Variants in GCC2 observed in about 807,000 individuals in gnomAD.
The protein encoded by GCC2 is GRIP and coiled-coil domain containing 2.
Under a neutral mutation model 210.6 loss-of-function variants are expected in GCC2, and 120 were observed. The observed-to-expected ratio is 0.57, with a 90% CI of 0.49 to 0.66. GCC2 has a LOEUF of 0.66. Among genes scored for constraint, GCC2 ranks in the 30% least tolerant of loss-of-function variants. GCC2 has a pLI of 0.00. For missense variants in GCC2, 1,868 were observed against 1,871.9 expected, an observed-to-expected ratio of 1.00 and a Z score of 0.04; for synonymous variants, 703 against 652.7, an observed-to-expected ratio of 1.08 and a Z score of -1.17.
chr2:108,462,843 ATGAGCCACCG>A (rs1680679440), intron 4 of GCC2, among the ~76,000 whole-genome samples: 1 of 151,552 alleles, frequency 6.6e-6, no homozygotes, highest in African/African-American at 2.4e-5. Context: ...GATTACAGGC[ATGAGCCACCG>A]CATCTGGCCG....
chr2:108,508,884 G>C lies in GCC2; in HGVS notation c.*1254G>C, dbSNP rs1361747406. The C allele has an allele frequency of 6.6e-6, 1 of 152,618 alleles. No individual in the cohort carries two copies. Among genetic ancestry groups the C allele is most frequent in the East Asian group, 1.9e-4 (1 of 5,200 alleles). 9.5% of individuals were successfully genotyped at this position (152,618 alleles called of 1,614,324 possible). On this transcript the variant is annotated 3_prime_UTR_variant, in exon 23 of 23. Coordinates refer to ENST00000309863, the MANE Select transcript of GCC2 (RefSeq NM_181453.4). ...TCTCTGAAGTTCTCTTAAGCCTTCAGTTTATACTCTTAATTTAATTTTCTT... is the reference window on the plus strand; with the variant it reads ...TCTCTGAAGTTCTCTTAAGCCTTCACTTTATACTCTTAATTTAATTTTCTT...
At chr2:108,483,292 C>T (rs1417143075) in intron 12 of GCC2, 126 bp downstream of exon 12, 7 of 566,828 alleles carry the variant, frequency 1.2e-5, no homozygotes, top group South Asian at 2.1e-5. Context: ...GGCATGATCT[C>T]GGCTCACTGC....
At chr2:108,465,433 C>G (rs1388156862) in intron 4 of GCC2, among the ~76,000 whole-genome samples, 1 of 152,094 alleles carries the variant, frequency 6.6e-6, no homozygotes, top group Non-Finnish European at 1.5e-5. Context: ...AAGTCTGAGA[C>G]TTTAGTGCAC....
At chr2:108,469,560 T>G in intron 5 of GCC2, 91 bp from the exon 6 acceptor site, 2 of 820,594 alleles carry the variant, frequency 2.4e-6, no homozygotes, top group Non-Finnish European at 3.9e-6. Context: ...TACTTTTCTC[T>G]CTACTTAGCT....
intron 4 of GCC2, among the ~76,000 whole-genome samples, chr2:108,457,636 C>T (rs556678951): frequency 6.6e-6 from 1 of 152,232 alleles, no homozygotes; most frequent in South Asian, 2.1e-4. Flanking sequence ...TATTTGTGTT[C>T]TCTTCAGTTT....
chr2:108,465,305 C>A (rs531771118), intron 4 of GCC2, among the ~76,000 whole-genome samples: 1 of 152,304 alleles, frequency 6.6e-6, no homozygotes, highest in Admixed American at 6.5e-5. Context: ...AATCAGCCAC[C>A]TTTTGAAGCC....
At chr2:108,493,073 C>T (rs1222489399) in intron 19 of GCC2, among the ~76,000 whole-genome samples, 1 of 152,158 alleles carries the variant, frequency 6.6e-6, no homozygotes, top group Non-Finnish European at 1.5e-5. Context: ...CTGACTTAAA[C>T]ATCCTCTGTC....
At chr2:108,495,707 C>T (rs1304907659) in intron 20 of GCC2, 5 of 304,100 alleles carry the variant, frequency 1.6e-5, no homozygotes, top group Non-Finnish European at 3.1e-5. Flanking sequence ...TATTACCTTA[C>T]ACGATCACTA....
rs1682329071 is a variant in GCC2, at chr2:108,489,929, T to C, written c.4144T>C (p.Leu1382=). The part of the protein sequence containing the change: ...LQINVSELQT[L]QSEHDTLLER... Reference sequence around the variant, plus strand: ...GATTAATGTATCTGAACTTCAAACATTGCAGTCTGAACATGATACACTGCT... The same window carrying C: ...GATTAATGTATCTGAACTTCAAACACTGCAGTCTGAACATGATACACTGCT... Residue 1382 remains leucine, a synonymous_variant, in exon 18 of 23, where the codon TTG becomes CTG. Coordinates refer to ENST00000309863, the MANE Select transcript of GCC2 (RefSeq NM_181453.4). 1.2e-5 allele frequency: 20 copies of C among 1,610,000 alleles called. No individual in the cohort carries two copies. The highest frequency in any genetic ancestry group is 6.6e-5 in the South Asian group (6 of 90,806).
At chr2:108,500,476 C>T (rs1202115678) in intron 22 of GCC2, among the ~76,000 whole-genome samples, 1 of 152,186 alleles carries the variant, frequency 6.6e-6, no homozygotes, top group African/African-American at 2.4e-5. Context: ...CGCCACTGTA[C>T]TCCAGCCTGA....
In GCC2 at chr2:108,480,015, A is replaced by G. The variant is rs543309380; in HGVS notation, c.3061-1682A>G. Among the ~76,000 whole-genome samples the G allele has an allele frequency of 7.0e-4, 105 of 149,248 alleles. 1 individual carries two copies. Among genetic ancestry groups the G allele is most frequent in the African/African-American group, 2.4e-3 (99 of 40,824 alleles). On this transcript the variant is annotated intron_variant, in intron 9 of 22. Coordinates refer to ENST00000309863, the MANE Select transcript of GCC2 (RefSeq NM_181453.4). ...AAAAAAAAAAAAAAAAAAAACGAAA[A>G]ACCCCACCAGAGAAGCCTGCGGAGG...
intron 1 of GCC2, 153 bp downstream of exon 1, chr2:108,449,433 C>A (rs1366343317): frequency 1.4e-6 from 2 of 1,396,752 alleles, no homozygotes; most frequent in South Asian, 1.4e-5. Flanking sequence ...AAACTCTATC[C>A]CTGGGGGTTA....
At chr2:108,493,589 A>C (rs1288499226) in intron 19 of GCC2, 11 of 985,354 alleles carry the variant, frequency 1.1e-5, no homozygotes, top group African/African-American at 1.7e-5. Flanking sequence ...GTTTTAGTTC[A>C]GCCACACCCA....
intron 22 of GCC2, among the ~76,000 whole-genome samples, chr2:108,503,333 T>C (rs566942820): frequency 6.6e-6 from 1 of 152,302 alleles, no homozygotes; most frequent in South Asian, 2.1e-4. Flanking sequence ...AAGAAATAAC[T>C]GCCAACCTTT....
chr2:108,495,508 G>C (rs1682609103), intron 20 of GCC2, 23 bp downstream of exon 20: 2 of 1,488,110 alleles, frequency 1.3e-6, no homozygotes, highest in African/African-American at 1.4e-5. Flanking sequence ...GTCTAAATAT[G>C]TTTTTCTTAT....
At chr2:108,456,596 A>C (rs919203495) in intron 4 of GCC2, among the ~76,000 whole-genome samples, 4 of 152,030 alleles carry the variant, frequency 2.6e-5, no homozygotes, top group African/African-American at 9.7e-5. Context: ...TTAGTCCCAT[A>C]TTGGATGAGT....
At chr2:108,505,748 T>A (rs3098319) in intron 22 of GCC2, among the ~76,000 whole-genome samples, 93,976 of 150,832 alleles carry the variant, frequency 0.62, 29,878 homozygotes, top group East Asian at 0.96. Flanking sequence ...CCTGTGAGAG[T>A]CCTTGAAATA....
chr2:108,472,954 G>T, intron 7 of GCC2, 55 bp downstream of exon 7: 2 of 973,286 alleles, frequency 2.1e-6, no homozygotes. Flanking sequence ...TCTTCTTAGT[G>T]TTAGAATAGA....
At chr2:108,484,082 T>G in intron 12 of GCC2, 67 bp from the exon 13 acceptor site, 1 of 1,066,758 alleles carries the variant, frequency 9.4e-7, no homozygotes, top group Non-Finnish European at 1.3e-6. Context: ...ATTTTACAAA[T>G]GAAAAAAAAA....
Sources: allele counts gnomAD v4.1 joint callset (sites outside exome capture counted in the v4.1 genomes callset), GRCh38; gene constraint gnomAD v4.1.1; transcripts MANE v1.5; gene names NCBI Gene and HGNC (gene_info 2026-07-23, HGNC 2026-07-21).